Variants in AKAP13 observed in about 807,000 individuals in gnomAD.
AKAP13 encodes A-kinase anchoring protein 13.
A neutral mutation model predicts 264.5 loss-of-function variants in AKAP13; 80 were observed. The observed-to-expected ratio is 0.30, with a 90% CI of 0.25 to 0.36. AKAP13 has a LOEUF of 0.36. Among genes scored for constraint, AKAP13 ranks in the 10% least tolerant of loss-of-function variants. The pLI is 1.00. For synonymous variants in AKAP13, 1,380 were observed against 1,250.2 expected (o/e 1.10, Z -2.19); for missense variants, 3,712 against 3,435.2 (o/e 1.08, Z -2.01).
chr15:85,607,462 CT>C (rs1014510813), intron 8 of AKAP13, among the ~76,000 whole-genome samples: 8 of 151,152 alleles, frequency 5.3e-5, no homozygotes, highest in African/African-American at 1.5e-4. Flanking sequence ...TTGCTCACAC[CT>C]TTTTTTTTAA....
intron 16 of AKAP13, 64 bp from the exon 17 acceptor site, chr15:85,693,212 GC>G: frequency 6.9e-7 from 1 of 1,453,618 alleles, no homozygotes; most frequent in Admixed American, 3.1e-5. Flanking sequence ...CCATCTGGGT[GC>G]CCAGGTAAGG....
intron 18 of AKAP13, among the ~76,000 whole-genome samples, chr15:85,709,897 G>A (rs2086541492): frequency 6.6e-6 from 1 of 151,866 alleles, no homozygotes; most frequent in African/African-American, 2.4e-5. Flanking sequence ...CATGTTGGCT[G>A]GGCTGGTATC....
At chr15:85,641,104 T>C (rs923655043) in intron 9 of AKAP13, among the ~76,000 whole-genome samples, 1 of 152,154 alleles carries the variant, frequency 6.6e-6, no homozygotes, top group Non-Finnish European at 1.5e-5. Flanking sequence ...TTCTGTATTT[T>C]ACTTTATACA....
At chr15:85,478,334 C>T (rs1405717301) in intron 1 of AKAP13, among the ~76,000 whole-genome samples, 1 of 133,298 alleles carries the variant, frequency 7.5e-6, no homozygotes, top group Admixed American at 7.8e-5. Context: ...TTATAGTGTA[C>T]TCTCCTACAC....
chr15:85,741,130 C>T lies in AKAP13; in HGVS notation c.7693C>T (p.Pro2565Ser), dbSNP rs749759119. ...ERALTRSLSR[P>S]SSLIEQEKQR... Reference sequence around the variant, plus strand: ...GGCGCTCACTCGCAGCTTGTCCCGCCCGAGCTCCCTCATTGAGCAGGAGAA... The same window carrying T: ...GGCGCTCACTCGCAGCTTGTCCCGCTCGAGCTCCCTCATTGAGCAGGAGAA... Residue 2565 changes from proline to serine, a missense_variant, in exon 35 of 37, where the codon CCG becomes TCG. Coordinates refer to ENST00000394518, the MANE Select transcript of AKAP13 (RefSeq NM_007200.5). The T allele has an allele frequency of 2.8e-5, 45 of 1,613,530 alleles. No homozygotes were observed. Among genetic ancestry groups the T allele is most frequent in the Non-Finnish European group, 3.7e-5 (44 of 1,179,860 alleles).
At chr15:85,696,208 C>T (rs186620156) in intron 17 of AKAP13, among the ~76,000 whole-genome samples, 1 of 152,154 alleles carries the variant, frequency 6.6e-6, no homozygotes, top group African/African-American at 2.4e-5. Context: ...TTGTGTAACT[C>T]TCATCATTTT....
chr15:85,406,912 C>A (rs2071694656), intron 1 of AKAP13, among the ~76,000 whole-genome samples: 1 of 151,652 alleles, frequency 6.6e-6, no homozygotes, highest in Admixed American at 6.6e-5. Context: ...GGGCTAGGCC[C>A]TGAAAGAACC....
intron 4 of AKAP13, among the ~76,000 whole-genome samples, chr15:85,538,227 C>T (rs976097892): frequency 6.6e-6 from 1 of 151,986 alleles, no homozygotes; most frequent in African/African-American, 2.4e-5. Flanking sequence ...GGAGAAACAT[C>T]CTGGGGGAAT....
chr15:85,738,154 T>C (rs1351062995), intron 33 of AKAP13, among the ~76,000 whole-genome samples: 1 of 151,922 alleles, frequency 6.6e-6, no homozygotes, highest in African/African-American at 2.4e-5. Flanking sequence ...TCCCAACACT[T>C]TGGGAGGCCG....
At chr15:85,657,729 T>TTTA (rs2083165905) in intron 11 of AKAP13, among the ~76,000 whole-genome samples, 1 of 145,364 alleles carries the variant, frequency 6.9e-6, no homozygotes, top group African/African-American at 2.7e-5. Context: ...TTTTTTTTTT[T>TTTA]AAGCATTCAG....
chr15:85,686,180 C>T (rs2084909266), intron 16 of AKAP13, among the ~76,000 whole-genome samples: 3 of 59,948 alleles, frequency 5.0e-5, no homozygotes, highest in African/African-American at 2.7e-4. Context: ...TGTGTGTGTG[C>T]ACGTGCATGC....
intron 1 of AKAP13, among the ~76,000 whole-genome samples, chr15:85,424,158 C>T (rs1295506415): frequency 1.3e-5 from 2 of 152,216 alleles, no homozygotes; most frequent in Non-Finnish European, 2.9e-5. Context: ...ACAAGAGAGT[C>T]AGCTTGTCCT....
chr15:85,457,708 G>C (rs1379327854), intron 1 of AKAP13, among the ~76,000 whole-genome samples: 1 of 152,208 alleles, frequency 6.6e-6, no homozygotes, highest in African/African-American at 2.4e-5. Context: ...CTTTGGTGGA[G>C]AAGGATTTTG....
intron 10 of AKAP13, among the ~76,000 whole-genome samples, chr15:85,648,321 C>T (rs1179836799): frequency 6.6e-6 from 1 of 152,200 alleles, no homozygotes; most frequent in Non-Finnish European, 1.5e-5. Context: ...TTAAGAAATA[C>T]TTCCTTGCAA....
rs1223805229 is a variant in AKAP13, at chr15:85,745,504, A to G, written c.*827A>G. On this transcript the variant is annotated 3_prime_UTR_variant, in exon 37 of 37. Transcript: ENST00000394518. The stretch of plus-strand genomic sequence containing the variant: ...GCATGTTTACCCACATGTTTTGGCC[A>G]TGGATAAAGTGAAGAGGCCTACTCA... 1 of 152,202 alleles carries G rather than the reference A, an allele frequency of 6.6e-6. No homozygotes were observed. Among genetic ancestry groups the G allele is most frequent in the Admixed American group, 6.5e-5 (1 of 15,278 alleles). 9.4% of individuals were successfully genotyped at this position (152,202 alleles called of 1,614,324 possible).
chr15:85,623,709 G>A lies in AKAP13; in HGVS notation c.4162-15665G>A, dbSNP rs543413605. Among the ~76,000 whole-genome samples the A allele has an allele frequency of 2.0e-4, 31 of 152,322 alleles. No individual in the cohort carries two copies. In the Middle Eastern group the frequency reaches 0.01, roughly 50 times the overall value. ...CTAAGTAATAAAACCTAAGTTGATA[G>A]TATTCCTTGGTCACCCACCTGTCTG... On this transcript the variant is annotated intron_variant, in intron 8 of 36. Coordinates refer to ENST00000394518, the MANE Select transcript of AKAP13 (RefSeq NM_007200.5).
intron 5 of AKAP13, among the ~76,000 whole-genome samples, chr15:85,567,068 G>T (rs2151280004): frequency 6.6e-6 from 1 of 152,152 alleles, no homozygotes; most frequent in Non-Finnish European, 1.5e-5. Flanking sequence ...TACCAAAATT[G>T]TAACTTTTAA....
chr15:85,681,363 A>G (rs1192510132), intron 14 of AKAP13, among the ~76,000 whole-genome samples: 1 of 152,220 alleles, frequency 6.6e-6, no homozygotes, highest in Admixed American at 6.5e-5. Flanking sequence ...GCTCTCATCT[A>G]AGTCTTCAGT....
intron 31 of AKAP13, 33 bp from the exon 32 acceptor site, chr15:85,735,527 T>TA (rs1276670231): frequency 3.8e-6 from 6 of 1,579,248 alleles, no homozygotes; most frequent in African/African-American, 1.4e-5. Flanking sequence ...TTTCACAACT[T>TA]TAAAAAAAAA....
Sources: gnomAD v4.1 joint callset for allele counts (sites outside exome capture counted in the v4.1 genomes callset) on GRCh38, gnomAD v4.1.1 for gene constraint, MANE v1.5 for transcripts, NCBI Gene and HGNC (gene_info 2026-07-23, HGNC 2026-07-21) for gene names.